MLC1: variants seen among roughly 807,000 people sequenced by gnomAD.
The protein encoded by MLC1 is modulator of VRAC current 1.
In MLC1, 32 loss-of-function variants were observed where a neutral mutation model predicts 44.7. The observed-to-expected ratio is 0.72, with a 90% CI of 0.54 to 0.96. MLC1 has a LOEUF of 0.96. Among genes scored for constraint, MLC1 ranks in the 40% least tolerant of loss-of-function variants. MLC1 has a pLI of 0.00. For missense variants in MLC1, 459 were observed against 492.2 expected (o/e 0.93, Z 0.64); for synonymous variants, 190 against 213.0 (o/e 0.89, Z 0.94).
intron 4 of MLC1, 56 bp downstream of exon 4, chr22:50,080,288 T>C: frequency 6.5e-7 from 1 of 1,544,232 alleles, no homozygotes; most frequent in South Asian, 1.2e-5. Context: ...GGGCACACTG[T>C]CTGTCAGCCC....
chr22:50,074,431 A>G (rs2061931432), intron 7 of MLC1, 99 bp from the exon 8 acceptor site: 1 of 1,100,378 alleles, frequency 9.1e-7, no homozygotes, highest in Non-Finnish European at 1.4e-6. Flanking sequence ...AGCAGGGTCC[A>G]GTGGGCTGGC....
intron 8 of MLC1, among the ~76,000 whole-genome samples, 173 bp downstream of exon 8, chr22:50,074,043 C>T (rs1203102009): frequency 6.6e-6 from 1 of 151,990 alleles, no homozygotes; most frequent in Non-Finnish European, 1.5e-5. Flanking sequence ...GCAGTTAATA[C>T]TTTGACTCAT....
chr22:50,063,863 C>T (rs1050976577), intron 11 of MLC1, among the ~76,000 whole-genome samples, 171 bp downstream of exon 11: 4 of 83,128 alleles, frequency 4.8e-5, no homozygotes, highest in Non-Finnish European at 7.8e-5. Flanking sequence ...GGCTACTCAC[C>T]TCCCCAGCAC....
intron 8 of MLC1, among the ~76,000 whole-genome samples, chr22:50,072,218 C>T (rs958201118): frequency 6.6e-6 from 1 of 152,228 alleles, no homozygotes; most frequent in East Asian, 1.9e-4. Context: ...CACTCCGGCC[C>T]CTGCCCTAGA....
At chr22:50,077,719 T>G (rs2062019179) in intron 5 of MLC1, among the ~76,000 whole-genome samples, 1 of 152,190 alleles carries the variant, frequency 6.6e-6, no homozygotes, top group Admixed American at 6.5e-5. Flanking sequence ...CCATTCTTAG[T>G]GCAAAGGCTG....
chr22:50,071,489 G>A (rs9680781), intron 8 of MLC1, among the ~76,000 whole-genome samples: 4,457 of 152,214 alleles, frequency 0.029, 213 homozygotes, highest in African/African-American at 0.1. Context: ...CCTGTTAATC[G>A]GGGAGTCCCT....
chr22:50,065,045 C>T (rs1013322855), intron 10 of MLC1, among the ~76,000 whole-genome samples: 8 of 152,190 alleles, frequency 5.3e-5, no homozygotes, highest in African/African-American at 1.7e-4. Flanking sequence ...CTGCCTCAAC[C>T]TCGCCAGTAG....
chr22:50,062,292 TCCTGAGCCCCAGCCGCCCAC>T lies in MLC1; in HGVS notation c.1060-655_1060-636del, dbSNP rs1377233979. On this transcript the variant is annotated intron_variant, in intron 11 of 11. Coordinates refer to ENST00000311597, the MANE Select transcript of MLC1 (RefSeq NM_015166.4). ...ACCCACCTTGAGCCCCAGCCGTCCA[TCCTGAGCCCCAGCCGCCCAC>T]CCTGAGCCCCAGCCGCCCACCCTGA... Among the ~76,000 whole-genome samples, 79 of 39,676 alleles carry T rather than the reference TCCTGAGCCCCAGCCGCCCAC, an allele frequency of 2.0e-3. No individual in the cohort carries two copies. In the East Asian group the frequency reaches 0.026, roughly 13 times the overall value. The allele number at this position is 39,676 out of a possible 152,430, so 26.0% of individuals were successfully genotyped here.
intron 8 of MLC1, 116 bp from the exon 9 acceptor site, chr22:50,070,699 G>A: frequency 1.8e-6 from 2 of 1,108,004 alleles, no homozygotes; most frequent in South Asian, 2.7e-5. Context: ...GGCTTGCTGT[G>A]GGGGGCAGGG....
chr22:50,069,988 G>A (rs1226821322), intron 9 of MLC1, among the ~76,000 whole-genome samples: 1 of 152,090 alleles, frequency 6.6e-6, no homozygotes, highest in Admixed American at 6.6e-5. Context: ...GATCACCTGA[G>A]GTCAGGAGTT....
chr22:50,084,711 T>C lies in MLC1; in HGVS notation c.177+15A>G, dbSNP rs148099137. On this transcript the variant is annotated intron_variant, in intron 2 of 11. Coordinates refer to ENST00000311597, the MANE Select transcript of MLC1 (RefSeq NM_015166.4). The stretch of plus-strand genomic sequence containing the variant: ...TGCTCGTGGCCCTCCAAGGGCTTAG[T>C]GTGGAGCTACTCACCCCCATCAGCA... 1.6e-4 allele frequency: 262 copies of C among 1,613,306 alleles called. No individual in the cohort carries two copies. The African/African-American group carries it at 3.3e-3, about 20-fold the overall frequency.
Position 50,077,991 on chromosome 22 carries a change from A to ATTTTT in MLC1, c.424-494_424-490dup, listed in dbSNP as rs3041368. On this transcript the variant is annotated intron_variant, in intron 5 of 11. Coordinates refer to ENST00000311597, the MANE Select transcript of MLC1 (RefSeq NM_015166.4). ...AAAAAGTCAGTGTAGCTGTCTGACA[A>ATTTTT]TTTTTTTTTTTTTTTTGAGACGGAG... Among the ~76,000 whole-genome samples the ATTTTT allele has an allele frequency of 7.6e-5, 11 of 144,042 alleles. 1 individual carries two copies. The highest frequency in any genetic ancestry group is 1.4e-4 in the Non-Finnish European group (9 of 66,310). The allele number at this position is 144,042 out of a possible 152,430, so 94.5% of individuals were successfully genotyped here.
chr22:50,077,191 A>G (rs1602037782), intron 6 of MLC1, among the ~76,000 whole-genome samples: 1 of 151,916 alleles, frequency 6.6e-6, no homozygotes, highest in African/African-American at 2.4e-5. Context: ...ATCTGTCTTC[A>G]CCTCCCTGTA....
In MLC1 at chr22:50,059,697, G is replaced by C. The variant is rs1601951664; in HGVS notation, c.*1886C>G. The C allele has an allele frequency of 6.6e-6, 1 of 152,330 alleles. No homozygotes were observed. Among genetic ancestry groups the C allele is most frequent in the South Asian group, 2.1e-4 (1 of 4,826 alleles). 9.4% of individuals were successfully genotyped at this position (152,330 alleles called of 1,614,324 possible). A position where few individuals can be genotyped will look rare whatever the true frequency, so the allele number is the denominator to read the frequency against. On this transcript the variant is annotated 3_prime_UTR_variant, in exon 12 of 12. Coordinates refer to ENST00000311597, the MANE Select transcript of MLC1 (RefSeq NM_015166.4). ...GGTGGGGGTGGCCTGCAGACAGGGT[G>C]GGGTCTGCATCCGGTACCAGTGACA... is the stretch of plus-strand genomic sequence containing the variant.
intron 11 of MLC1, among the ~76,000 whole-genome samples, chr22:50,062,207 GT>G (rs2061579014): frequency 9.0e-6 from 1 of 111,178 alleles, no homozygotes; most frequent in Non-Finnish European, 1.8e-5. Flanking sequence ...AGCCCCAGCC[GT>G]CCACCCTGAG....
At chr22:50,076,000 A>G (rs1467459423) in intron 7 of MLC1, among the ~76,000 whole-genome samples, 1 of 152,214 alleles carries the variant, frequency 6.6e-6, no homozygotes, top group Non-Finnish European at 1.5e-5. Context: ...TTTCCCATCC[A>G]AAATTAGAGG....
chr22:50,075,497 G>T (rs2061957624), intron 7 of MLC1, among the ~76,000 whole-genome samples: 1 of 152,160 alleles, frequency 6.6e-6, no homozygotes, highest in South Asian at 2.1e-4. Context: ...GGATCGTGAG[G>T]TCAGGAGTTT....
At chr22:50,077,249 G>A (rs1029602854) in intron 6 of MLC1, 152 bp downstream of exon 6, 57 of 760,840 alleles carry the variant, frequency 7.5e-5, no homozygotes, top group Admixed American at 1.5e-4. Flanking sequence ...CCTCCTGGCC[G>A]GGGTTTCTGA....
Position 50,083,886 on chromosome 22 carries a change from T to A in MLC1, c.178-713A>T, listed in dbSNP as rs137929. 6.6e-6 allele frequency among the ~76,000 whole-genome samples: 1 copy of A among 151,672 alleles called. No individual in the cohort carries two copies. Among genetic ancestry groups the A allele is most frequent in the Non-Finnish European group, 1.5e-5 (1 of 67,944 alleles). The stretch of plus-strand genomic sequence containing the variant: ...CTGCGACCAAGTCCAGGGCACCAGG[T>A]GGAGGAGGGCAGAGCCCGGAGATGG... On this transcript the variant is annotated intron_variant, in intron 2 of 11. Transcript: ENST00000311597. The surrounding 1 kb of genome is among the most constrained non-coding windows in gnomAD (Gnocchi z 4.6).
Sources: gnomAD v4.1 joint callset for allele counts (sites outside exome capture counted in the v4.1 genomes callset) on GRCh38, gnomAD v4.1.1 for gene constraint, Gnocchi (gnomAD v3.1) non-coding constraint, MANE v1.5 for transcripts, NCBI Gene and HGNC (gene_info 2026-07-23, HGNC 2026-07-21) for gene names.